PSD2: variants seen among roughly 807,000 people sequenced by gnomAD.
PSD2 encodes the protein pleckstrin and Sec7 domain containing 2.
In PSD2, 38 loss-of-function variants were observed where a neutral mutation model predicts 69.8. That is an observed-to-expected ratio of 0.54 (90% CI 0.42 to 0.71). The LOEUF is 0.71. Among genes scored for constraint, PSD2 ranks in the 30% least tolerant of loss-of-function variants. The pLI is 0.00. For missense variants in PSD2, 943 were observed against 1,014.5 expected, an observed-to-expected ratio of 0.93 and a Z score of 0.96; for synonymous variants, 412 against 423.0, an observed-to-expected ratio of 0.97 and a Z score of 0.32.
In PSD2 at chr5:139,843,993, A is replaced by G. The variant is rs1760939106; in HGVS notation, c.*1519A>G. On this transcript the variant is annotated 3_prime_UTR_variant, in exon 15 of 15. Coordinates refer to ENST00000274710, the MANE Select transcript of PSD2 (RefSeq NM_032289.4). ...CATTTGAGGCAAGGGGCTATTGAGT[A>G]TGTGGAGAGATGTAGTGATTTAAAT... The G allele has an allele frequency of 6.6e-6, 1 of 152,266 alleles. No homozygotes were observed. The highest frequency in any genetic ancestry group is 2.1e-4 in the South Asian group (1 of 4,832). 9.4% of individuals were successfully genotyped at this position (152,266 alleles called of 1,614,324 possible).
the PSD2 span, among the ~76,000 whole-genome samples, chr5:139,768,627 G>C: frequency 1.6e-4 from 25 of 152,012 alleles, no homozygotes; most frequent in African/African-American, 5.8e-4. Context: ...GGAGGCTGAG[G>C]CAGGAGAATT....
rs1760078522 is a variant in PSD2 at position 139,814,866 on chromosome 5, C to T, written c.1016+502C>T. Among the ~76,000 whole-genome samples, 1 of 152,172 alleles carries T rather than the reference C, an allele frequency of 6.6e-6. No homozygotes were observed. Among genetic ancestry groups the T allele is most frequent in the Non-Finnish European group, 1.5e-5 (1 of 68,018 alleles). On this transcript the variant is annotated intron_variant, in intron 4 of 14. Coordinates refer to ENST00000274710, the MANE Select transcript of PSD2 (RefSeq NM_032289.4). This position sits in a 1 kb window ranked among gnomAD's most constrained non-coding sequence, Gnocchi z 4.4. ...TCAGACCAGGTGCAAAGGGAACTGG[C>T]TAGATGAGGGCCCCAAAGGGGACCA...
At chr5:139,830,557 C>T (rs187926662) in intron 7 of PSD2, among the ~76,000 whole-genome samples, 39 of 133,030 alleles carry the variant, frequency 2.9e-4, no homozygotes, top group South Asian at 7.2e-4. Flanking sequence ...TTCCTTCCTT[C>T]CTTCCTTCCT....
the PSD2 span, among the ~76,000 whole-genome samples, chr5:139,747,303 C>T: frequency 6.6e-6 from 1 of 152,140 alleles, no homozygotes; most frequent in Non-Finnish European, 1.5e-5. This position sits in a 1 kb window ranked among gnomAD's most constrained non-coding sequence, Gnocchi z 6.7. Context: ...TTACGACATC[C>T]CCTGGGCTGG....
In PSD2 at chr5:139,822,785, G is replaced by A. The variant is rs145196921; in HGVS notation, c.1269+1G>A. 5.6e-6 allele frequency: 9 copies of A among 1,605,458 alleles called. No individual in the cohort carries two copies. The highest frequency in any genetic ancestry group is 3.4e-5 in the Admixed American group (2 of 59,060). The stretch of plus-strand genomic sequence containing the variant: ...GCTCAACACGGACCTGCACGGCCAC[G>A]TGAGTTGGGGAGGTGACGGGGGGTG... On this transcript the variant is annotated splice_donor_variant, in intron 7 of 14. Coordinates refer to ENST00000274710, the MANE Select transcript of PSD2 (RefSeq NM_032289.4). LOFTEE classifies it high-confidence loss of function.
the PSD2 span, among the ~76,000 whole-genome samples, chr5:139,789,517 G>C: frequency 1.3e-5 from 2 of 152,238 alleles, no homozygotes. Context: ...GGTCAAGGCT[G>C]TAGTGAGCCG....
At chr5:139,763,188 C>T in the PSD2 span, among the ~76,000 whole-genome samples, 1 of 152,048 alleles carries the variant, frequency 6.6e-6, no homozygotes, top group Non-Finnish European at 1.5e-5. Context: ...TTGTCTATTC[C>T]CTCCAGATGT....
At chr5:139,748,992 G>A in the PSD2 span, among the ~76,000 whole-genome samples, 1 of 152,132 alleles carries the variant, frequency 6.6e-6, no homozygotes, top group Non-Finnish European at 1.5e-5. Flanking sequence ...CAGGTGGGAT[G>A]GGCCTCAGGG....
rs779198543 is a variant in PSD2 at position 139,809,674 on chromosome 5, C to A, written c.234C>A (p.Thr78=). The part of the protein sequence containing the change: ...FHGLSLGLSL[T]NGLALGPDLN... ...GCCTCAGCCTTGGCCTCTCTCTCACCAATGGCCTAGCCCTGGGGCCAGACT... is the reference window on the plus strand; with the variant it reads ...GCCTCAGCCTTGGCCTCTCTCTCACAAATGGCCTAGCCCTGGGGCCAGACT... Residue 78 remains threonine, a synonymous_variant, in exon 2 of 15, where the codon ACC becomes ACA. Coordinates refer to ENST00000274710, the MANE Select transcript of PSD2 (RefSeq NM_032289.4). 5.0e-6 allele frequency: 8 copies of A among 1,614,144 alleles called. No homozygotes were observed. The highest frequency in any genetic ancestry group is 6.8e-6 in the Non-Finnish European group (8 of 1,180,062).
chr5:139,840,261 A>G, intron 14 of PSD2, 91 bp downstream of exon 14: 3 of 1,423,460 alleles, frequency 2.1e-6, no homozygotes, highest in Non-Finnish European at 2.9e-6. Flanking sequence ...GGTGAAGCCT[A>G]GTGATAAAGG....
At chr5:139,838,271 G>A (rs1760786163) in intron 12 of PSD2, among the ~76,000 whole-genome samples, 1 of 152,202 alleles carries the variant, frequency 6.6e-6, no homozygotes, top group Admixed American at 6.5e-5. Context: ...TGCTGGGCAG[G>A]CAGCGGGGGA....
the PSD2 span, among the ~76,000 whole-genome samples, chr5:139,775,754 C>T: frequency 6.6e-6 from 1 of 152,186 alleles, no homozygotes; most frequent in African/African-American, 2.4e-5. Context: ...CTGCAACCTC[C>T]GTCTCCGAGG....
chr5:139,764,679 G>A, the PSD2 span, among the ~76,000 whole-genome samples: 1 of 152,192 alleles, frequency 6.6e-6, no homozygotes, highest in African/African-American at 2.4e-5. Flanking sequence ...CAGCAAGCTG[G>A]GCCAGGAGGC....
the PSD2 span, among the ~76,000 whole-genome samples, chr5:139,788,238 C>A: frequency 6.6e-6 from 1 of 151,246 alleles, no homozygotes; most frequent in Admixed American, 6.6e-5. Context: ...GCTCCCCCTG[C>A]GGGAACCTTC....
chr5:139,830,674 CTCTT>C (rs1426978037), intron 7 of PSD2, among the ~76,000 whole-genome samples: 4 of 96,608 alleles, frequency 4.1e-5, no homozygotes, highest in Middle Eastern at 5.3e-3. Context: ...TTCTTTATTT[CTCTT>C]TCTTTCTTTT....
At position 139,844,123 on chromosome 5, in the gene PSD2, A is replaced by G. The variant is rs990503390; in HGVS notation, c.*1649A>G. ...AAATGTTCACTTAAATGAAATTGAA[A>G]ACGCCATGTGGCACCACAAAAGAGC... On this transcript the variant is annotated 3_prime_UTR_variant, in exon 15 of 15. Transcript: ENST00000274710. 1.3e-5 allele frequency: 2 copies of G among 152,196 alleles called. No individual in the cohort carries two copies. Among genetic ancestry groups the G allele is most frequent in the Non-Finnish European group, 2.9e-5 (2 of 68,040 alleles). The allele number at this position is 152,196 out of a possible 1,614,324, so 9.4% of individuals were successfully genotyped here.
rs1760939965 is a variant in PSD2, at chr5:139,844,037, A to T, written c.*1563A>T. On this transcript the variant is annotated 3_prime_UTR_variant, in exon 15 of 15. Coordinates refer to ENST00000274710, the MANE Select transcript of PSD2 (RefSeq NM_032289.4). ...TTTAAATTCAGATTATTTAAGTTGGATCAGCTGAAGTGTGTTTTAGACCCA... is the reference window on the plus strand; with the variant it reads ...TTTAAATTCAGATTATTTAAGTTGGTTCAGCTGAAGTGTGTTTTAGACCCA... The T allele has an allele frequency of 1.3e-5, 2 of 152,260 alleles. No individual in the cohort carries two copies. Among genetic ancestry groups the T allele is most frequent in the African/African-American group, 4.8e-5 (2 of 41,464 alleles). 9.4% of individuals were successfully genotyped at this position (152,260 alleles called of 1,614,324 possible).
the PSD2 span, among the ~76,000 whole-genome samples, chr5:139,781,481 GT>G: frequency 6.7e-6 from 1 of 149,256 alleles, no homozygotes; most frequent in Admixed American, 6.7e-5. Flanking sequence ...GACTACAGGT[GT>G]CCGCCACCAC....
At chr5:139,840,240 G>A (rs1760841346) in intron 14 of PSD2, 70 bp downstream of exon 14, 1 of 1,553,304 alleles carries the variant, frequency 6.4e-7, no homozygotes, top group African/African-American at 1.4e-5. Context: ...GGCCTGATGT[G>A]GGACTGGGGA....
Sources: allele counts gnomAD v4.1 joint callset (sites outside exome capture counted in the v4.1 genomes callset), GRCh38; gene constraint gnomAD v4.1.1; non-coding constraint Gnocchi (gnomAD v3.1); transcripts MANE v1.5; gene names NCBI Gene and HGNC (gene_info 2026-07-23, HGNC 2026-07-21).